The following HEPH variants were observed in gnomAD, a reference collection of about 807,000 sequenced individuals.
HEPH encodes the protein hephaestin.
Under a neutral mutation model 80.8 loss-of-function variants are expected in HEPH, and 69 were observed. The ratio of observed to expected loss-of-function variants is 0.85; its 90% CI spans 0.70 to 1.04. The LOEUF (loss-of-function observed/expected upper bound fraction) is 1.04. HEPH is among the 50% of genes least tolerant of loss of function. The pLI is 0.00. For synonymous variants in HEPH, 431 were observed against 322.8 expected (o/e 1.34, Z -3.60); for missense variants, 1,115 against 891.3 (o/e 1.25, Z -3.20).
In HEPH at chrX:66,246,917, A is replaced by AT. The variant is rs755260204; in HGVS notation, c.2564-8113dup. On this transcript the variant is annotated intron_variant, in intron 15 of 20. Coordinates refer to ENST00000343002, the MANE Select transcript of HEPH (RefSeq NM_001367233.3). ...CCATATTGGCCCCTCCCACCCTCTC[A>AT]TTTTTGAAGGGTCATTTTGTCAAAT... is the stretch of plus-strand genomic sequence containing the variant. 3.6e-5 allele frequency among the ~76,000 whole-genome samples: 4 copies of AT among 111,970 alleles called. No homozygotes were observed. In the East Asian group the frequency reaches 1.1e-3, roughly 32 times the overall value.
chrX:66,192,334 A>T (rs750474522), intron 7 of HEPH, 36 bp downstream of exon 7: 1 of 1,123,168 alleles, frequency 8.9e-7, no homozygotes, highest in Non-Finnish European at 1.2e-6. Context: ...TTAATTCTTT[A>T]ATTGGTCCAG....
rs373725934 is a variant in HEPH, at chrX:66,193,619, T to C, written c.1350T>C (p.Asp450=). ...AAGAGAAGATGCATTTGGAGGAAGA[T>C]AGGCATCTTGGAATCCTGGGTGAGG... is the stretch of plus-strand genomic sequence containing the variant. ...TFQEKMHLEE[D]RHLGILGPVI... is the part of the protein sequence containing the mutation. The change falls in exon 8 of 21, where the codon GAT becomes GAC. Residue 450 remains aspartate (D), a synonymous_variant. Coordinates refer to ENST00000343002, the MANE Select transcript of HEPH (RefSeq NM_001367233.3). 9.2e-5 allele frequency: 109 copies of C among 1,187,323 alleles called. 5 individuals are homozygous for C. Among genetic ancestry groups the C allele is most frequent in the Non-Finnish European group, 4.9e-5 (43 of 881,933 alleles).
At chrX:66,178,251 A>C (rs888216365) in intron 4 of HEPH, among the ~76,000 whole-genome samples, 7 of 111,844 alleles carry the variant, frequency 6.3e-5, no homozygotes, top group Admixed American at 1.9e-4. Flanking sequence ...AGCTTCATCT[A>C]TGTCCCTACA....
chrX:66,246,412 AG>A (rs765640222), intron 15 of HEPH, among the ~76,000 whole-genome samples: 1 of 111,336 alleles, frequency 9.0e-6, no homozygotes, highest in East Asian at 2.8e-4. Flanking sequence ...CTGTCTGATG[AG>A]GGGCAGTAGA....
intron 12 of HEPH, 41 bp from the exon 13 acceptor site, chrX:66,203,323 G>A (rs1337566193): frequency 8.8e-7 from 1 of 1,138,577 alleles, no homozygotes; most frequent in African/African-American, 1.8e-5. Context: ...CACTACCCAG[G>A]GATGTTCTGA....
chrX:66,197,954 G>A, intron 10 of HEPH, 60 bp downstream of exon 10: 3 of 996,498 alleles, frequency 3.0e-6, no homozygotes, highest in African/African-American at 1.9e-5. Context: ...CTGGGTTGCT[G>A]GATAGGAGTT....
intron 15 of HEPH, among the ~76,000 whole-genome samples, chrX:66,235,284 A>G (rs1421052274): frequency 1.8e-5 from 2 of 111,780 alleles, no homozygotes; most frequent in African/African-American, 6.5e-5. Context: ...TTGTAGATCC[A>G]GGATGGTATT....
chrX:66,237,098 T>G (rs769277513), intron 15 of HEPH, among the ~76,000 whole-genome samples: 33 of 111,391 alleles, frequency 3.0e-4, no homozygotes, highest in East Asian at 1.1e-3. Context: ...GAATTTTTTT[T>G]TGTGTGTGTT....
intron 13 of HEPH, among the ~76,000 whole-genome samples, chrX:66,206,381 T>TTTTTTTTTA: frequency 1.3e-5 from 1 of 79,786 alleles, no homozygotes; most frequent in Non-Finnish European, 2.3e-5. Context: ...TTTTTTTTTT[T>TTTTTTTTTA]TGACAAAGCC....
intron 9 of HEPH, among the ~76,000 whole-genome samples, chrX:66,196,051 C>A (rs953157257): frequency 9.0e-6 from 1 of 111,361 alleles, no homozygotes; most frequent in African/African-American, 3.3e-5. Flanking sequence ...AGAGACATAA[C>A]AAATGAAATG....
chrX:66,227,677 TG>T (rs1259129917), intron 15 of HEPH, among the ~76,000 whole-genome samples: 1 of 112,107 alleles, frequency 8.9e-6, no homozygotes, highest in African/African-American at 3.2e-5. Flanking sequence ...TTTATGTTTT[TG>T]TTTGCTTTGT....
At chrX:66,227,083 C>T (rs2089924391) in intron 15 of HEPH, among the ~76,000 whole-genome samples, 1 of 111,725 alleles carries the variant, frequency 9.0e-6, no homozygotes, top group Non-Finnish European at 1.9e-5. Flanking sequence ...AATAATCTAC[C>T]ATGATCAGGT....
intron 15 of HEPH, among the ~76,000 whole-genome samples, chrX:66,252,135 G>A (rs1223821976): frequency 1.8e-5 from 2 of 111,642 alleles, no homozygotes; most frequent in African/African-American, 6.5e-5. Context: ...TTTGATGATG[G>A]ATATGAGATG....
At chrX:66,259,027 GTTTA>G in intron 18 of HEPH, 48 bp downstream of exon 18, 4 of 1,141,903 alleles carry the variant, frequency 3.5e-6, no homozygotes, top group Non-Finnish European at 4.7e-6. Flanking sequence ...TAGAACAGTG[GTTTA>G]ACAGCAATTG....
intron 18 of HEPH, among the ~76,000 whole-genome samples, chrX:66,259,867 C>T (rs552769674): frequency 9.1e-6 from 1 of 109,346 alleles, no homozygotes; most frequent in Non-Finnish European, 1.9e-5. Context: ...TGCTACCATG[C>T]CCGGCAATTT....
chrX:66,208,248 T>C lies in HEPH; in HGVS notation c.2563+2T>C, dbSNP rs1278634407. On this transcript the variant is annotated splice_donor_variant, in intron 15 of 20. Coordinates refer to ENST00000343002, the MANE Select transcript of HEPH (RefSeq NM_001367233.3). LOFTEE classifies it high-confidence loss of function. ...TCTGGCCACTGGCTGCTGAGCCTGG[T>C]GAGTGGGGACACTTAGTGAAAGAAC... 8.3e-7 allele frequency: 1 copy of C among 1,203,526 alleles called. No individual in the cohort carries two copies. Among genetic ancestry groups the C allele is most frequent in the East Asian group, 3.0e-5 (1 of 33,622 alleles).
rs1321411909 is a variant in HEPH, at chrX:66,263,772, A to G, written c.3244+84A>G. The G allele has an allele frequency of 6.8e-6, 6 of 877,200 alleles. No individual in the cohort carries two copies. The East Asian group carries it at 1.9e-4, about 28-fold the overall frequency. The allele number at this position is 877,200 out of a possible 1,213,427, so 72.3% of individuals were successfully genotyped here. ...GGGTGAAGTACCTTTAGGGTATGGG[A>G]CTTATGTGACTGAGAGTTAGAATAC... is the stretch of plus-strand genomic sequence containing the variant. On this transcript the variant is annotated intron_variant, in intron 20 of 20. Transcript: ENST00000343002.
intron 11 of HEPH, among the ~76,000 whole-genome samples, chrX:66,200,068 A>T (rs1214549130): frequency 9.1e-6 from 1 of 109,573 alleles, no homozygotes; most frequent in African/African-American, 3.3e-5. Flanking sequence ...GAAGAGGAGG[A>T]AACAGGTTGA....
chrX:66,197,603 AT>A, intron 9 of HEPH, 79 bp from the exon 10 acceptor site: 1 of 867,654 alleles, frequency 1.2e-6, no homozygotes, highest in Admixed American at 2.4e-5. Context: ...TTTGTAGTTC[AT>A]AATCTTTATT....
Sources: gnomAD v4.1 joint callset for allele counts (sites outside exome capture counted in the v4.1 genomes callset) on GRCh38, gnomAD v4.1.1 for gene constraint, MANE v1.5 for transcripts, NCBI Gene and HGNC (gene_info 2026-07-23, HGNC 2026-07-21) for gene names.